RIMS1: variants seen among roughly 807,000 people sequenced by gnomAD.
RIMS1 encodes the protein regulating synaptic membrane exocytosis 1.
RIMS1 carries 83 observed loss-of-function variants against 214.1 expected under a neutral mutation model. That is an observed-to-expected ratio of 0.39 (90% CI 0.32 to 0.47). RIMS1 has a LOEUF of 0.47. Among genes scored for constraint, RIMS1 ranks in the 20% least tolerant of loss-of-function variants. The probability of loss-of-function intolerance (pLI) is 0.99; values close to 1 mark genes in which losing one functional copy is unlikely to be tolerated. For synonymous variants in RIMS1, 793 were observed against 786.8 expected, an observed-to-expected ratio of 1.01 and a Z score of -0.13; for missense variants, 2,050 against 2,161.8, an observed-to-expected ratio of 0.95 and a Z score of 1.03.
At chr6:72,386,346 T>G (rs1343569768) in intron 29 of RIMS1, among the ~76,000 whole-genome samples, 2 of 152,232 alleles carry the variant, frequency 1.3e-5, no homozygotes, top group East Asian at 3.8e-4. Flanking sequence ...CAGTCTGCAC[T>G]TCACCGTCAT....
intron 2 of RIMS1, among the ~76,000 whole-genome samples, chr6:72,085,102 A>T (rs1038218107): frequency 1.3e-5 from 2 of 152,152 alleles, no homozygotes; most frequent in Non-Finnish European, 2.9e-5. Flanking sequence ...TGTAAAGAAA[A>T]GTAATTTAAA....
At chr6:72,008,122 C>G (rs1196907913) in intron 2 of RIMS1, among the ~76,000 whole-genome samples, 1 of 152,214 alleles carries the variant, frequency 6.6e-6, no homozygotes, top group Non-Finnish European at 1.5e-5. Flanking sequence ...AGCAGCTGAT[C>G]TCTCGGCAGA....
intron 2 of RIMS1, among the ~76,000 whole-genome samples, chr6:72,057,608 C>T (rs1377916314): frequency 1.3e-5 from 2 of 150,494 alleles, no homozygotes; most frequent in African/African-American, 2.4e-5. Flanking sequence ...CCCAGGTTTA[C>T]GCCATTCTCC....
intron 2 of RIMS1, among the ~76,000 whole-genome samples, chr6:71,978,976 G>A (rs1048209825): frequency 1.3e-5 from 2 of 152,078 alleles, no homozygotes; most frequent in Non-Finnish European, 2.9e-5. Flanking sequence ...AAAAAATTGT[G>A]TGGCTTTTAT....
chr6:71,990,822 G>T (rs572722009), intron 2 of RIMS1, among the ~76,000 whole-genome samples: 47 of 151,978 alleles, frequency 3.1e-4, no homozygotes, highest in African/African-American at 1.0e-3. Flanking sequence ...CTTAGGCCAG[G>T]TCATGCAGGA....
chr6:72,294,278 GTTGTTC>G (rs1239064421), intron 26 of RIMS1, among the ~76,000 whole-genome samples: 1 of 151,678 alleles, frequency 6.6e-6, no homozygotes, highest in Non-Finnish European at 1.5e-5. Flanking sequence ...TGATTTCATT[GTTGTTC>G]TTAAGGCTGT....
chr6:72,106,952 C>G (rs543762428), intron 4 of RIMS1, among the ~76,000 whole-genome samples: 1 of 152,304 alleles, frequency 6.6e-6, no homozygotes, highest in South Asian at 2.1e-4. Context: ...ATATCTTTCT[C>G]TTATATACTT....
At chr6:72,048,959 C>A (rs2152122967) in intron 2 of RIMS1, among the ~76,000 whole-genome samples, 1 of 152,176 alleles carries the variant, frequency 6.6e-6, no homozygotes, top group Non-Finnish European at 1.5e-5. Context: ...GGGATGCAGG[C>A]AAAGATTGCA....
intron 1 of RIMS1, among the ~76,000 whole-genome samples, chr6:71,914,494 G>A (rs1157641038): frequency 6.6e-6 from 1 of 151,894 alleles, no homozygotes. Context: ...GTAGAATTAG[G>A]GTGTGATTAA....
At chr6:71,990,024 G>A (rs1006309488) in intron 2 of RIMS1, among the ~76,000 whole-genome samples, 2 of 152,102 alleles carry the variant, frequency 1.3e-5, no homozygotes, top group African/African-American at 4.8e-5. Context: ...GGTCTCTCAT[G>A]GAAGCCATCT....
At position 71,985,941 on chromosome 6, in the gene RIMS1, G is replaced by T. The variant is rs140973801; in HGVS notation, c.245+16878G>T. 2.0e-3 allele frequency among the ~76,000 whole-genome samples: 310 copies of T among 152,220 alleles called. 2 individuals are homozygous for T. Among genetic ancestry groups the T allele is most frequent in the African/African-American group, 6.7e-3 (278 of 41,546 alleles). On this transcript the variant is annotated intron_variant, in intron 2 of 33. Transcript: ENST00000521978. ...TAGGCAGGGTTAGTCTCTCTACTTTGTAGTAGTTCTATACTTTGAATATCT... is the reference window on the plus strand; with the variant it reads ...TAGGCAGGGTTAGTCTCTCTACTTTTTAGTAGTTCTATACTTTGAATATCT...
At chr6:72,334,230 G>T (rs1419084704) in intron 29 of RIMS1, among the ~76,000 whole-genome samples, 1 of 151,682 alleles carries the variant, frequency 6.6e-6, no homozygotes, top group Non-Finnish European at 1.5e-5. Flanking sequence ...AGAAAAGAAG[G>T]TCAGTTGTGC....
At chr6:71,933,595 C>T (rs773067697) in intron 1 of RIMS1, among the ~76,000 whole-genome samples, 4 of 151,482 alleles carry the variant, frequency 2.6e-5, no homozygotes, top group Non-Finnish European at 5.9e-5. Context: ...GACCAAAATA[C>T]CAGTGGCAGA....
intron 15 of RIMS1, among the ~76,000 whole-genome samples, chr6:72,251,718 C>G (rs751151474): frequency 5.3e-5 from 8 of 151,712 alleles, no homozygotes; most frequent in Non-Finnish European, 1.2e-4. Flanking sequence ...AAGATTTTTT[C>G]TCCCCCCACC....
chr6:72,223,133 G>A (rs187225198), intron 6 of RIMS1, among the ~76,000 whole-genome samples: 2 of 152,310 alleles, frequency 1.3e-5, no homozygotes, highest in African/African-American at 2.4e-5. Flanking sequence ...AGTTATGAGC[G>A]AGGTGCTGGT....
At chr6:72,132,324 A>G (rs983709612) in intron 4 of RIMS1, among the ~76,000 whole-genome samples, 15 of 152,226 alleles carry the variant, frequency 9.9e-5, no homozygotes, top group African/African-American at 3.6e-4. Flanking sequence ...AATAAATGTC[A>G]TGATATCTTC....
chr6:71,908,276 G>A (rs2150555587), intron 1 of RIMS1, among the ~76,000 whole-genome samples: 1 of 152,260 alleles, frequency 6.6e-6, no homozygotes, highest in Non-Finnish European at 1.5e-5. Context: ...AAATATGAGA[G>A]CCCCAGTGGG....
At chr6:72,187,344 A>G (rs781401066) in intron 6 of RIMS1, among the ~76,000 whole-genome samples, 16 of 152,134 alleles carry the variant, frequency 1.1e-4, no homozygotes, top group Non-Finnish European at 2.2e-4. Context: ...TAAAAAGTCA[A>G]ATGGCGGGTA....
chr6:72,029,988 G>A (rs575089341), intron 2 of RIMS1, among the ~76,000 whole-genome samples: 4 of 152,270 alleles, frequency 2.6e-5, no homozygotes, highest in African/African-American at 9.6e-5. Context: ...ATCTAGATAC[G>A]ATTTGGCCTC....
Sources: gnomAD v4.1 joint callset for allele counts (sites outside exome capture counted in the v4.1 genomes callset) on GRCh38, gnomAD v4.1.1 for gene constraint, MANE v1.5 for transcripts, NCBI Gene and HGNC (gene_info 2026-07-23, HGNC 2026-07-21) for gene names.